Variants in CPEB3 observed in about 807,000 individuals in gnomAD.
The protein encoded by CPEB3 is cytoplasmic polyadenylation element binding protein 3.
CPEB3 carries 20 observed loss-of-function variants against 67.2 expected under a neutral mutation model. The ratio of observed to expected loss-of-function variants is 0.30; its 90% CI spans 0.21 to 0.43. CPEB3 has a LOEUF of 0.43. Among genes scored for constraint, CPEB3 ranks in the 20% least tolerant of loss-of-function variants. The pLI is 1.00. For synonymous variants in CPEB3, 376 were observed against 393.1 expected, an observed-to-expected ratio of 0.96 and a Z score of 0.51; for missense variants, 746 against 968.6, an observed-to-expected ratio of 0.77 and a Z score of 3.05.
intron 6 of CPEB3, among the ~76,000 whole-genome samples, chr10:92,139,100 A>G (rs761826815): frequency 1.3e-5 from 2 of 152,124 alleles, no homozygotes; most frequent in Non-Finnish European, 2.9e-5. Context: ...CAACATGAAG[A>G]AACCCCATCT....
At chr10:92,286,372 G>A (rs1393183958) in intron 1 of CPEB3, among the ~76,000 whole-genome samples, 1 of 152,006 alleles carries the variant, frequency 6.6e-6, no homozygotes, top group African/African-American at 2.4e-5. Context: ...ATCACTTGAG[G>A]TCAGGAGTTC....
intron 8 of CPEB3, among the ~76,000 whole-genome samples, chr10:92,086,565 G>C (rs978559921): frequency 6.6e-6 from 1 of 152,126 alleles, no homozygotes; most frequent in South Asian, 2.1e-4. Flanking sequence ...TCATCATCTC[G>C]AAAGCGCAGT....
intron 6 of CPEB3, among the ~76,000 whole-genome samples, chr10:92,115,315 G>A (rs1320173369): frequency 2.6e-5 from 4 of 152,200 alleles, no homozygotes; most frequent in Non-Finnish European, 4.4e-5. Flanking sequence ...CACCACACCC[G>A]ACTAATTTTT....
At chr10:92,159,958 T>C (rs949489220) in intron 4 of CPEB3, among the ~76,000 whole-genome samples, 1 of 151,220 alleles carries the variant, frequency 6.6e-6, no homozygotes, top group African/African-American at 2.4e-5. Context: ...TTTTTTTTTT[T>C]CTGAGATGGA....
At chr10:92,208,932 T>C (rs1169759477) in intron 2 of CPEB3, among the ~76,000 whole-genome samples, 3 of 152,156 alleles carry the variant, frequency 2.0e-5, no homozygotes, top group Non-Finnish European at 4.4e-5. Flanking sequence ...TGTCCTCCCA[T>C]AATTCCTAGC....
intron 4 of CPEB3, among the ~76,000 whole-genome samples, chr10:92,161,828 A>G (rs946977744): frequency 6.6e-6 from 1 of 151,378 alleles, no homozygotes; most frequent in African/African-American, 2.4e-5. Context: ...CACGCCGGCT[A>G]ATTTTTGTAT....
At chr10:92,204,833 C>T (rs1345473022) in intron 2 of CPEB3, among the ~76,000 whole-genome samples, 1 of 149,102 alleles carries the variant, frequency 6.7e-6, no homozygotes, top group Non-Finnish European at 1.5e-5. Context: ...ACTATCTTAA[C>T]CACTTTTTTT....
At chr10:92,063,314 G>C (rs1288686680) in intron 9 of CPEB3, among the ~76,000 whole-genome samples, 1 of 152,224 alleles carries the variant, frequency 6.6e-6, no homozygotes, top group African/African-American at 2.4e-5. Flanking sequence ...CGCAGGTGCA[G>C]AATTCCTTCT....
At chr10:92,142,039 C>CAAAAAAAAAAAAAAAAAAAAAACA (rs546901334) in intron 6 of CPEB3, among the ~76,000 whole-genome samples, 1 of 115,156 alleles carries the variant, frequency 8.7e-6, no homozygotes, top group African/African-American at 3.1e-5. Flanking sequence ...CAAATAAAAA[C>CAAAAAAAAAAAAAAAAAAAAAACA]AAAAAAAAAA....
At chr10:92,057,709 G>T (rs1209330886) in intron 9 of CPEB3, among the ~76,000 whole-genome samples, 1 of 152,242 alleles carries the variant, frequency 6.6e-6, no homozygotes, top group South Asian at 2.1e-4. Context: ...GGCCACAGGG[G>T]TGCTTGTGTC....
chr10:92,068,290 A>T (rs1807327063), intron 9 of CPEB3, among the ~76,000 whole-genome samples: 1 of 152,204 alleles, frequency 6.6e-6, no homozygotes, highest in Non-Finnish European at 1.5e-5. Flanking sequence ...TATGGGTATA[A>T]ATCAGTCCAA....
At chr10:92,250,726 G>A (rs1852256660) in intron 1 of CPEB3, among the ~76,000 whole-genome samples, 1 of 151,944 alleles carries the variant, frequency 6.6e-6, no homozygotes, top group Non-Finnish European at 1.5e-5. Context: ...GTCTCACTCT[G>A]TTGCCCAGGC....
intron 6 of CPEB3, among the ~76,000 whole-genome samples, chr10:92,142,210 T>C (rs1464572334): frequency 6.6e-6 from 1 of 152,134 alleles, no homozygotes; most frequent in African/African-American, 2.4e-5. Flanking sequence ...GATTCATTTA[T>C]GAGGCACAGG....
chr10:92,118,773 G>T (rs61746316), intron 6 of CPEB3: 6 of 755,902 alleles, frequency 7.9e-6, no homozygotes, highest in Non-Finnish European at 1.5e-5. Flanking sequence ...GAGATGGAGC[G>T]GTTCTGGAAT....
intron 2 of CPEB3, among the ~76,000 whole-genome samples, chr10:92,196,112 T>C (rs1849226947): frequency 1.3e-5 from 2 of 152,350 alleles, no homozygotes; most frequent in African/African-American, 4.8e-5. Context: ...CATAGATTCC[T>C]GGGTTCCAGC....
intron 4 of CPEB3, among the ~76,000 whole-genome samples, chr10:92,169,077 T>G (rs745895842): frequency 5.3e-5 from 8 of 151,694 alleles, no homozygotes; most frequent in Non-Finnish European, 5.9e-5. Flanking sequence ...ATCACAGGCG[T>G]GAGCTAACCG....
chr10:92,181,531 A>G (rs1449984762), intron 3 of CPEB3, among the ~76,000 whole-genome samples: 2 of 152,120 alleles, frequency 1.3e-5, no homozygotes, highest in Non-Finnish European at 2.9e-5. Context: ...AGAATGGGGG[A>G]AAATGATTGG....
At chr10:92,258,556 T>C (rs906943961) in intron 1 of CPEB3, among the ~76,000 whole-genome samples, 3 of 146,830 alleles carry the variant, frequency 2.0e-5, no homozygotes, top group Non-Finnish European at 4.5e-5. Context: ...GCATATTCCA[T>C]AGGAATAGGA....
rs368684254 is a variant in CPEB3, at chr10:92,170,203, G to A, written c.1222+10760C>T. 1.1e-4 allele frequency among the ~76,000 whole-genome samples: 17 copies of A among 152,134 alleles called. No homozygotes were observed. In the East Asian group the frequency reaches 1.7e-3, roughly 16 times the overall value. ...GTCTTGTACAAAATGCAAGCTCAAG[G>A]ATTTGCTATACCACATTTCAGTGTC... On this transcript the variant is annotated intron_variant, in intron 4 of 9. Transcript: ENST00000265997.
Sources: gnomAD v4.1 joint callset for allele counts (sites outside exome capture counted in the v4.1 genomes callset) on GRCh38, gnomAD v4.1.1 for gene constraint, MANE v1.5 for transcripts, NCBI Gene and HGNC (gene_info 2026-07-23, HGNC 2026-07-21) for gene names.